Variants in F9 observed in about 807,000 individuals in gnomAD.
The protein encoded by F9 is Christmas factor.
Under a neutral mutation model 34.1 loss-of-function variants are expected in F9, and 2 were observed. The ratio of observed to expected loss-of-function variants is 0.06; its 90% CI spans 0.02 to 0.18. The LOEUF is 0.18. Among genes scored for constraint, F9 ranks in the 10% least tolerant of loss-of-function variants. The pLI is 1.00. For synonymous variants in F9, 137 were observed against 118.8 expected (o/e 1.15, Z -1.00); for missense variants, 216 against 345.1 (o/e 0.63, Z 2.96).
At chrX:139,559,988 A>C (rs1376801047) in intron 6 of F9, among the ~76,000 whole-genome samples, 1 of 112,412 alleles carries the variant, frequency 8.9e-6, no homozygotes, top group Admixed American at 9.4e-5. Context: ...ACGAATATCC[A>C]GTTGAGATAA....
intron 6 of F9, among the ~76,000 whole-genome samples, chrX:139,555,279 G>A (rs765363684): frequency 8.9e-6 from 1 of 112,625 alleles, no homozygotes; most frequent in African/African-American, 3.2e-5. Context: ...AGCAGGCTAA[G>A]GGACTGCTGG....
chrX:139,533,459 A>C (rs1437642717), intron 1 of F9, among the ~76,000 whole-genome samples: 1 of 112,760 alleles, frequency 8.9e-6, no homozygotes, highest in East Asian at 2.8e-4. Flanking sequence ...CCAACACAGC[A>C]GAAGCATTAC....
At chrX:139,547,605 T>G (rs1694253231) in intron 4 of F9, 1 of 111,438 alleles carries the variant, frequency 9.0e-6, no homozygotes, top group African/African-American at 3.3e-5. Flanking sequence ...AAAGGCATGT[T>G]TATGTCACCA....
intron 6 of F9, among the ~76,000 whole-genome samples, chrX:139,554,319 T>C (rs1373688528): frequency 8.9e-6 from 1 of 112,066 alleles, no homozygotes; most frequent in African/African-American, 3.2e-5. Flanking sequence ...CCCTATTTCA[T>C]CCACATGAAC....
At chrX:139,557,747 A>G (rs1018589881) in intron 6 of F9, among the ~76,000 whole-genome samples, 6 of 113,030 alleles carry the variant, frequency 5.3e-5, no homozygotes, top group African/African-American at 1.9e-4. Flanking sequence ...CTGACAATCA[A>G]TTGGAGTTAC....
At chrX:139,540,601 C>T (rs1391449561) in intron 3 of F9, among the ~76,000 whole-genome samples, 1 of 111,833 alleles carries the variant, frequency 8.9e-6, no homozygotes, top group Non-Finnish European at 1.9e-5. Context: ...CCTAGGCCGT[C>T]AGTTCCTAAA....
intron 6 of F9, among the ~76,000 whole-genome samples, chrX:139,559,987 C>T (rs1356091429): frequency 1.8e-5 from 2 of 112,139 alleles, no homozygotes; most frequent in African/African-American, 6.5e-5. Context: ...AACGAATATC[C>T]AGTTGAGATA....
At chrX:139,552,020 C>G (rs1279285363) in intron 6 of F9, among the ~76,000 whole-genome samples, 1 of 109,012 alleles carries the variant, frequency 9.2e-6, no homozygotes, top group African/African-American at 3.5e-5. Flanking sequence ...CGAAACCCCA[C>G]CTCTAATTAA....
intron 4 of F9, among the ~76,000 whole-genome samples, chrX:139,545,445 C>A (rs1225579110): frequency 9.0e-6 from 1 of 111,466 alleles, no homozygotes; most frequent in Non-Finnish European, 1.9e-5. Context: ...AACAAGATGG[C>A]AGGAATAAGC....
intron 1 of F9, among the ~76,000 whole-genome samples, chrX:139,536,160 T>C (rs561064548): frequency 2.8e-5 from 3 of 105,303 alleles, no homozygotes; most frequent in African/African-American, 1.0e-4. Flanking sequence ...TATATATGTG[T>C]GTGTATATAT....
Position 139,562,233 on chromosome X carries a change from T to C in F9, c.*162T>C, listed in dbSNP as rs1005131423. The C allele has an allele frequency of 8.1e-6, 4 of 494,179 alleles. No individual in the cohort carries two copies. The Admixed American group carries it at 1.1e-4, about 14-fold the overall frequency. The allele number at this position is 494,179 out of a possible 1,213,427, so 40.7% of individuals were successfully genotyped here. On this transcript the variant is annotated 3_prime_UTR_variant, in exon 8 of 8. Transcript: ENST00000218099. ...GAATTTCATATTTTACCTGAGCAAA[T>C]TGATTAGAAAATGGAACCACTAGAG...
intron 4 of F9, among the ~76,000 whole-genome samples, chrX:139,543,090 C>T (rs1028214277): frequency 1.8e-5 from 2 of 109,740 alleles, no homozygotes; most frequent in Admixed American, 1.0e-4. Context: ...GCAACAGCTA[C>T]TAGATAGCAC....
At chrX:139,555,991 C>A (rs938378785) in intron 6 of F9, among the ~76,000 whole-genome samples, 3 of 111,563 alleles carry the variant, frequency 2.7e-5, no homozygotes, top group East Asian at 5.6e-4. Flanking sequence ...CATGACCCTG[C>A]CAGCTGACAA....
chrX:139,560,928 T>C, intron 7 of F9, 73 bp downstream of exon 7: 1 of 816,790 alleles, frequency 1.2e-6, no homozygotes, highest in Admixed American at 2.2e-5. Context: ...CATATTTTAC[T>C]AAGGTCTAAT....
chrX:139,541,773 T>G (rs1934248237), intron 4 of F9, among the ~76,000 whole-genome samples: 1 of 112,207 alleles, frequency 8.9e-6, no homozygotes, highest in African/African-American at 3.2e-5. Context: ...AGCTCATCCC[T>G]GAATTTGACT....
intron 6 of F9, among the ~76,000 whole-genome samples, chrX:139,553,807 C>T (rs1477782076): frequency 1.4e-5 from 1 of 71,894 alleles, no homozygotes; most frequent in East Asian, 4.0e-4. Context: ...AGCGAGACTC[C>T]GTCTCAAAAA....
At chrX:139,546,347 C>A (rs1008830019) in intron 4 of F9, among the ~76,000 whole-genome samples, 67 of 111,675 alleles carry the variant, frequency 6.0e-4, no homozygotes, top group African/African-American at 1.9e-3. Flanking sequence ...TAGGTTGATT[C>A]CATGTCTGCT....
At chrX:139,560,961 G>T (rs1046299140) in intron 7 of F9, 106 bp downstream of exon 7, 6 of 667,938 alleles carry the variant, frequency 9.0e-6, no homozygotes, top group Admixed American at 7.2e-5. Flanking sequence ...GAATAAATTG[G>T]GCTAAAGGCA....
chrX:139,556,675 A>T (rs1466808903), intron 6 of F9, among the ~76,000 whole-genome samples: 1 of 112,472 alleles, frequency 8.9e-6, no homozygotes, highest in Non-Finnish European at 1.9e-5. Flanking sequence ...ACCTGGCTCT[A>T]CAAAGCTAGT....
Sources: allele counts gnomAD v4.1 joint callset (sites outside exome capture counted in the v4.1 genomes callset), GRCh38; gene constraint gnomAD v4.1.1; transcripts MANE v1.5; gene names NCBI Gene and HGNC (gene_info 2026-07-23, HGNC 2026-07-21).